ASTN1: variants seen among roughly 807,000 people sequenced by gnomAD.
ASTN1 encodes astrotactin 1.
ASTN1 carries 41 observed loss-of-function variants against 140.7 expected under a neutral mutation model. The observed-to-expected ratio is 0.29, with a 90% CI of 0.23 to 0.38. The LOEUF (loss-of-function observed/expected upper bound fraction) is 0.38, where lower values mean the gene tolerates loss of function less well. Among genes scored for constraint, ASTN1 ranks in the 10% least tolerant of loss-of-function variants. The pLI is 1.00. For missense variants in ASTN1, 1,479 were observed against 1,678.8 expected (o/e 0.88, Z 2.08); for synonymous variants, 640 against 652.2 (o/e 0.98, Z 0.29).
At position 177,068,692 on chromosome 1, in the gene ASTN1, A is replaced by AGT. The variant is rs142444484; in HGVS notation, c.284-7429_284-7428dup. On this transcript the variant is annotated intron_variant, in intron 1 of 22. Coordinates refer to ENST00000361833, the MANE Select transcript of ASTN1 (RefSeq NM_004319.3). ...AAAACCAAACATGACACTTGGCTCT[A>AGT]GTTAGGCCCCAAGTCAGATGCACGC... 2.6e-3 allele frequency among the ~76,000 whole-genome samples: 391 copies of AGT among 152,308 alleles called. 1 individual carries two copies. The highest frequency in any genetic ancestry group is 8.8e-3 in the African/African-American group (365 of 41,578).
chr1:177,082,536 A>G (rs1571756709), intron 1 of ASTN1, among the ~76,000 whole-genome samples: 1 of 152,270 alleles, frequency 6.6e-6, no homozygotes, highest in East Asian at 1.9e-4. Flanking sequence ...ACTCACACAA[A>G]GGGTACAGCA....
At chr1:176,896,502 C>G (rs921518409) in intron 16 of ASTN1, among the ~76,000 whole-genome samples, 1 of 152,158 alleles carries the variant, frequency 6.6e-6, no homozygotes, top group African/African-American at 2.4e-5. Context: ...AAGACTCCCC[C>G]CTCCTCCAGC....
chr1:177,028,577 T>C (rs1234501611), intron 5 of ASTN1, among the ~76,000 whole-genome samples: 1 of 152,146 alleles, frequency 6.6e-6, no homozygotes, highest in East Asian at 1.9e-4. Flanking sequence ...TGGTTGACTA[T>C]TGGTTGAGGA....
chr1:177,114,217 C>T (rs1203195797), intron 1 of ASTN1, among the ~76,000 whole-genome samples: 2 of 152,236 alleles, frequency 1.3e-5, no homozygotes, highest in East Asian at 1.9e-4. Context: ...TTTCCTTATG[C>T]ATCAAAGGAG....
At chr1:176,934,688 A>C (rs1332661158) in intron 15 of ASTN1, among the ~76,000 whole-genome samples, 2 of 152,164 alleles carry the variant, frequency 1.3e-5, no homozygotes, top group Admixed American at 6.5e-5. Flanking sequence ...ATTTGAAAAA[A>C]GCAGAAACAA....
At chr1:176,949,736 A>G (rs1210394231) in intron 11 of ASTN1, among the ~76,000 whole-genome samples, 1 of 152,224 alleles carries the variant, frequency 6.6e-6, no homozygotes, top group Non-Finnish European at 1.5e-5. Context: ...ACAGGAAGGA[A>G]GTGCTGCTCT....
chr1:176,859,830 C>A (rs1338448833), downstream of ASTN1, among the ~76,000 whole-genome samples: 2 of 152,120 alleles, frequency 1.3e-5, no homozygotes, highest in African/African-American at 2.4e-5. Context: ...AAGGCAATAA[C>A]CATTTTATTA....
chr1:177,141,140 T>C (rs1682452259), intron 1 of ASTN1, among the ~76,000 whole-genome samples: 1 of 152,098 alleles, frequency 6.6e-6, no homozygotes, highest in African/African-American at 2.4e-5. Context: ...CGCTTGAACC[T>C]GGAAGGCGGA....
At chr1:177,011,500 G>A (rs1198745651) in intron 8 of ASTN1, among the ~76,000 whole-genome samples, 1 of 151,948 alleles carries the variant, frequency 6.6e-6, no homozygotes, top group African/African-American at 2.4e-5. Context: ...AAATGAGTAG[G>A]AGAATAAATG....
At chr1:176,874,524 G>C (rs548335991) in intron 21 of ASTN1, among the ~76,000 whole-genome samples, 3 of 152,130 alleles carry the variant, frequency 2.0e-5, no homozygotes, top group Non-Finnish European at 4.4e-5. Flanking sequence ...GTGAGTGCTG[G>C]TTCTGCCAGA....
At chr1:176,878,244 C>T (rs1288092186) in intron 20 of ASTN1, among the ~76,000 whole-genome samples, 3 of 152,102 alleles carry the variant, frequency 2.0e-5, no homozygotes. Context: ...GCTGTCAGAC[C>T]AGGACCAAGT....
chr1:177,118,694 C>G (rs1480826551), intron 1 of ASTN1, among the ~76,000 whole-genome samples: 1 of 152,156 alleles, frequency 6.6e-6, no homozygotes, highest in Non-Finnish European at 1.5e-5. Flanking sequence ...TCAGGCCTGT[C>G]CACCCTCTCA....
Position 176,936,327 on chromosome 1 carries a change from C to T in ASTN1, c.2421G>A (p.Gln807=), listed in dbSNP as rs1671445929. 6.2e-7 allele frequency: 1 copy of T among 1,613,738 alleles called. No homozygotes were observed. The highest frequency in any genetic ancestry group is 1.7e-5 in the Admixed American group (1 of 60,020). The change falls in exon 15 of 23, where the codon CAG becomes CAA. Residue 807 remains glutamine (Q), a synonymous_variant. Transcript: ENST00000361833. ...ACATCACAGACCGGACCTTCCAGTG[C>T]TGCAGCACAGGGTACCCAGACACTT... The part of the protein sequence containing the change: ...FSEVSGYPVL[Q]HWKVRSVMYH...
intron 1 of ASTN1, among the ~76,000 whole-genome samples, chr1:177,137,291 G>T (rs1376433573): frequency 6.6e-6 from 1 of 152,126 alleles, no homozygotes; most frequent in Non-Finnish European, 1.5e-5. Context: ...AACATAATTG[G>T]AACAGGCCAT....
chr1:176,918,180 C>A (rs568511830), intron 16 of ASTN1, among the ~76,000 whole-genome samples: 2 of 152,238 alleles, frequency 1.3e-5, no homozygotes, highest in South Asian at 4.2e-4. Flanking sequence ...CTACCCCAAC[C>A]TTTCCTCTGT....
chr1:176,889,107 G>A (rs1204701155), intron 17 of ASTN1, among the ~76,000 whole-genome samples: 1 of 152,202 alleles, frequency 6.6e-6, no homozygotes, highest in East Asian at 1.9e-4. Flanking sequence ...GGTTCATAGA[G>A]ATATTTACTA....
chr1:176,982,734 G>C (rs1015642713), intron 8 of ASTN1, among the ~76,000 whole-genome samples: 1 of 152,112 alleles, frequency 6.6e-6, no homozygotes, highest in East Asian at 1.9e-4. Context: ...ATGTTTTAAC[G>C]TACCCAAAGA....
chr1:176,877,274 C>T (rs534540294), intron 20 of ASTN1, among the ~76,000 whole-genome samples: 1 of 152,342 alleles, frequency 6.6e-6, no homozygotes, highest in Admixed American at 6.5e-5. Context: ...TAGTTCTCTT[C>T]AGTTCCTTCC....
chr1:176,947,639 T>C (rs1189734280), intron 12 of ASTN1, among the ~76,000 whole-genome samples: 2 of 152,218 alleles, frequency 1.3e-5, no homozygotes, highest in Non-Finnish European at 2.9e-5. Flanking sequence ...GACAAGATAG[T>C]GAAGTGGTTC....
Sources: allele counts gnomAD v4.1 joint callset (sites outside exome capture counted in the v4.1 genomes callset), GRCh38; gene constraint gnomAD v4.1.1; transcripts MANE v1.5; gene names NCBI Gene and HGNC (gene_info 2026-07-23, HGNC 2026-07-21).